The following TAFA1 variants were observed in gnomAD, a reference collection of about 807,000 sequenced individuals.
TAFA1 encodes the protein chemokine-like protein TAFA-1.
A neutral mutation model predicts 18.5 loss-of-function variants in TAFA1; 4 were observed. The observed-to-expected ratio is 0.22, with a 90% CI of 0.11 to 0.49. TAFA1 has a LOEUF of 0.49. Among genes scored for constraint, TAFA1 ranks in the 20% least tolerant of loss-of-function variants. The pLI, the probability that TAFA1 is intolerant of heterozygous loss-of-function variation, is 0.98. For missense variants in TAFA1, 147 were observed against 169.0 expected (o/e 0.87, Z 0.72); for synonymous variants, 56 against 55.2 (o/e 1.01, Z -0.06).
chr3:68,456,011 G>T (rs114691369), intron 3 of TAFA1, among the ~76,000 whole-genome samples: 2,130 of 152,272 alleles, frequency 0.014, 62 homozygotes, highest in African/African-American at 0.048. Context: ...GATGCCTTCA[G>T]TGTTGAACTA....
intron 2 of TAFA1, among the ~76,000 whole-genome samples, chr3:68,154,646 C>A (rs1383947738): frequency 1.3e-5 from 2 of 152,188 alleles, no homozygotes; most frequent in Admixed American, 6.5e-5. Flanking sequence ...ATATAGCCAT[C>A]TGCTCAGTGT....
intron 2 of TAFA1, among the ~76,000 whole-genome samples, chr3:68,061,580 G>T (rs1454542826): frequency 1.3e-5 from 2 of 152,188 alleles, no homozygotes; most frequent in Non-Finnish European, 2.9e-5. Context: ...ATCACTGAAA[G>T]CTGGGAAGGG....
At chr3:68,311,800 C>T (rs1012618552) in intron 2 of TAFA1, among the ~76,000 whole-genome samples, 6 of 152,182 alleles carry the variant, frequency 3.9e-5, no homozygotes, top group African/African-American at 9.7e-5. Context: ...GTCTGGAGGA[C>T]GGTGGCCCTC....
chr3:68,176,201 G>T, intron 2 of TAFA1, among the ~76,000 whole-genome samples: 1 of 152,168 alleles, frequency 6.6e-6, no homozygotes, highest in East Asian at 1.9e-4. Flanking sequence ...CAGTTTACAG[G>T]CAGGATGCCA....
At chr3:68,329,135 G>A (rs1344135535) in intron 2 of TAFA1, among the ~76,000 whole-genome samples, 12 of 139,944 alleles carry the variant, frequency 8.6e-5, no homozygotes, top group African/African-American at 2.7e-4. Context: ...CCCAACCTCC[G>A]CCTCCCGGGT....
At chr3:68,121,559 T>C (rs1020611316) in intron 2 of TAFA1, among the ~76,000 whole-genome samples, 2 of 152,152 alleles carry the variant, frequency 1.3e-5, no homozygotes, top group South Asian at 2.1e-4. Flanking sequence ...CAGAGTGTGT[T>C]TGGAGTGCAA....
chr3:68,508,826 A>G (rs2072804220), intron 3 of TAFA1, among the ~76,000 whole-genome samples: 1 of 152,170 alleles, frequency 6.6e-6, no homozygotes. Flanking sequence ...AGTGGTATAG[A>G]TAGAGTTCAT....
intron 2 of TAFA1, among the ~76,000 whole-genome samples, chr3:68,362,569 T>G (rs181985487): frequency 5.4e-4 from 82 of 152,234 alleles, no homozygotes; most frequent in African/African-American, 1.9e-3. Flanking sequence ...TCTGAGCTGG[T>G]TTGTGTTTGG....
At chr3:68,174,199 G>T (rs1338977744) in intron 2 of TAFA1, among the ~76,000 whole-genome samples, 1 of 152,168 alleles carries the variant, frequency 6.6e-6, no homozygotes, top group Admixed American at 6.5e-5. Flanking sequence ...GAAAAATGGT[G>T]GTTGGTATTT....
intron 2 of TAFA1, among the ~76,000 whole-genome samples, chr3:68,337,200 C>T (rs903495324): frequency 2.0e-5 from 3 of 152,124 alleles, no homozygotes; most frequent in Non-Finnish European, 2.9e-5. Flanking sequence ...ATACAGGAAA[C>T]ATGGCTGGGG....
At chr3:68,036,012 T>C (rs1705039588) in intron 2 of TAFA1, among the ~76,000 whole-genome samples, 1 of 152,078 alleles carries the variant, frequency 6.6e-6, no homozygotes, top group Non-Finnish European at 1.5e-5. Context: ...AGGTTGAGGG[T>C]AGGCATTGAC....
rs1014127433 is a variant in TAFA1, at chr3:68,336,219, T to C, written c.119-81061T>C. Among the ~76,000 whole-genome samples, 10 of 152,354 alleles carry C rather than the reference T, an allele frequency of 6.6e-5. No homozygotes were observed. The East Asian group carries it at 1.9e-3, about 29-fold the overall frequency. ...GCACCTAGCAGAGGGGTCCTCTCAT[T>C]GCATGCATTCCTTAAATGCTGACTA... On this transcript the variant is annotated intron_variant, in intron 2 of 4. Transcript: ENST00000478136.
chr3:68,250,329 T>C (rs1278129855), intron 2 of TAFA1, among the ~76,000 whole-genome samples: 6 of 152,192 alleles, frequency 3.9e-5, no homozygotes, highest in African/African-American at 1.2e-4. Flanking sequence ...ACTGATCTTA[T>C]AGCGTAAGAT....
intron 2 of TAFA1, among the ~76,000 whole-genome samples, chr3:68,148,531 G>A (rs2065769292): frequency 6.6e-6 from 1 of 152,196 alleles, no homozygotes; most frequent in South Asian, 2.1e-4. Flanking sequence ...TCTGTGCAAT[G>A]ACAGGTGTTT....
At chr3:68,234,668 C>G (rs577852927) in intron 2 of TAFA1, among the ~76,000 whole-genome samples, 1 of 151,230 alleles carries the variant, frequency 6.6e-6, no homozygotes, top group Non-Finnish European at 1.5e-5. Context: ...AAGATAGAGT[C>G]GAGTCATCAC....
At chr3:68,101,521 A>G (rs530629124) in intron 2 of TAFA1, among the ~76,000 whole-genome samples, 99 of 152,254 alleles carry the variant, frequency 6.5e-4, no homozygotes, top group African/African-American at 2.2e-3. Context: ...TGATGAGTTC[A>G]TGTCCTTTGT....
intron 3 of TAFA1, among the ~76,000 whole-genome samples, chr3:68,467,493 A>G (rs922090965): frequency 6.6e-6 from 1 of 152,166 alleles, no homozygotes; most frequent in African/African-American, 2.4e-5. Context: ...CAAAGGTGGT[A>G]AGGAAGATTT....
intron 2 of TAFA1, among the ~76,000 whole-genome samples, chr3:68,379,887 G>A (rs1247820967): frequency 6.6e-6 from 1 of 151,724 alleles, no homozygotes; most frequent in Non-Finnish European, 1.5e-5. Flanking sequence ...TTTAGCATTA[G>A]GTATATCTCC....
At chr3:68,172,014 A>AAGAGAGAGAAAG (rs1386417859) in intron 2 of TAFA1, among the ~76,000 whole-genome samples, 1 of 152,144 alleles carries the variant, frequency 6.6e-6, no homozygotes, top group Non-Finnish European at 1.5e-5. Context: ...AGAAGGAGAG[A>AAGAGAGAGAAAG]AGAGAGAGAA....
Sources: allele counts gnomAD v4.1 joint callset (sites outside exome capture counted in the v4.1 genomes callset), GRCh38; gene constraint gnomAD v4.1.1; transcripts MANE v1.5; gene names NCBI Gene and HGNC (gene_info 2026-07-23, HGNC 2026-07-21).